Variants in ARHGAP12 observed in about 807,000 individuals in gnomAD.
The protein encoded by ARHGAP12 is Rho GTPase activating protein 12, also known as rho GTPase-activating protein 12.
A neutral mutation model predicts 108.6 loss-of-function variants in ARHGAP12; 64 were observed. The ratio of observed to expected loss-of-function variants is 0.59; its 90% confidence interval spans 0.48 to 0.73. ARHGAP12 has a LOEUF of 0.73. Among genes scored for constraint, ARHGAP12 ranks in the 30% least tolerant of loss-of-function variants. ARHGAP12 has a pLI of 0.00. For missense variants in ARHGAP12, 940 were observed against 1,005.9 expected (o/e 0.93, Z 0.89); for synonymous variants, 312 against 337.2 (o/e 0.93, Z 0.82).
At chr10:31,852,100 TC>T (rs970444105) in intron 6 of ARHGAP12, among the ~76,000 whole-genome samples, 3 of 152,184 alleles carry the variant, frequency 2.0e-5, no homozygotes, top group African/African-American at 4.8e-5. Context: ...AATGGCTCAA[TC>T]ATACACACCA....
intron 1 of ARHGAP12, among the ~76,000 whole-genome samples, chr10:31,927,394 G>T (rs1394808739): frequency 2.0e-5 from 3 of 152,138 alleles, no homozygotes; most frequent in Admixed American, 1.3e-4. Context: ...GTGGCTAGGG[G>T]CTAGATACTT....
intron 14 of ARHGAP12, among the ~76,000 whole-genome samples, 198 bp from the exon 15 acceptor site, chr10:31,813,021 C>A (rs1339693482): frequency 2.6e-5 from 4 of 151,986 alleles, no homozygotes; most frequent in Admixed American, 2.0e-4. Flanking sequence ...AGTTATAAAC[C>A]AAACAAAACA....
intron 3 of ARHGAP12, among the ~76,000 whole-genome samples, chr10:31,901,151 G>A (rs1021760012): frequency 1.3e-5 from 2 of 150,552 alleles, no homozygotes; most frequent in South Asian, 2.1e-4. Context: ...GGGAGGCAGA[G>A]ACTACAGTGA....
intron 1 of ARHGAP12, among the ~76,000 whole-genome samples, chr10:31,926,143 G>A (rs1416921623): frequency 6.6e-6 from 1 of 152,132 alleles, no homozygotes; most frequent in Admixed American, 6.5e-5. Context: ...AATTTGAGAA[G>A]CACTAGATTA....
chr10:31,876,219 TA>T (rs1247280958), intron 3 of ARHGAP12, among the ~76,000 whole-genome samples: 1 of 151,810 alleles, frequency 6.6e-6, no homozygotes, highest in African/African-American at 2.4e-5. Flanking sequence ...AAGGTCATCA[TA>T]AAAAAAATAA....
chr10:31,859,660 T>C (rs1027647287), intron 4 of ARHGAP12, among the ~76,000 whole-genome samples: 5 of 152,248 alleles, frequency 3.3e-5, no homozygotes, highest in Admixed American at 6.5e-5. Flanking sequence ...TAAAAGTTCC[T>C]ATGTATACTT....
chr10:31,906,784 C>A (rs576305407), intron 3 of ARHGAP12, among the ~76,000 whole-genome samples: 2 of 152,032 alleles, frequency 1.3e-5, no homozygotes, highest in South Asian at 4.1e-4. Context: ...GGATTGCGTG[C>A]GTACATAAAT....
intron 1 of ARHGAP12, among the ~76,000 whole-genome samples, chr10:31,918,919 A>G (rs1839676497): frequency 6.6e-6 from 1 of 152,246 alleles, no homozygotes; most frequent in South Asian, 2.1e-4. Flanking sequence ...AGAAAGTCAA[A>G]CAGATATTTG....
At chr10:31,887,785 GTAGC>G (rs1436270586) in intron 3 of ARHGAP12, among the ~76,000 whole-genome samples, 3 of 150,998 alleles carry the variant, frequency 2.0e-5, no homozygotes, top group Non-Finnish European at 4.4e-5. Context: ...AGCCTCCCAA[GTAGC>G]TGGGACTACA....
At chr10:31,927,150 T>C (rs776676968) in intron 1 of ARHGAP12, among the ~76,000 whole-genome samples, 2 of 151,912 alleles carry the variant, frequency 1.3e-5, no homozygotes, top group Non-Finnish European at 2.9e-5. Flanking sequence ...GTCTGGCTCG[T>C]CAGGTGGCAT....
At chr10:31,922,180 C>CAA (rs56210740) in intron 1 of ARHGAP12, among the ~76,000 whole-genome samples, 4 of 66,120 alleles carry the variant, frequency 6.0e-5, no homozygotes, top group African/African-American at 1.9e-4. Context: ...GACCCTGCCT[C>CAA]AAAAAAAAAA....
intron 6 of ARHGAP12, among the ~76,000 whole-genome samples, chr10:31,844,104 G>T (rs532127568): frequency 2.0e-3 from 310 of 152,158 alleles, no homozygotes; most frequent in African/African-American, 7.0e-3. Flanking sequence ...ACATGTTCTG[G>T]ATTCTAAACC....
Position 31,808,754 on chromosome 10 carries a change from G to GA in ARHGAP12, c.2264-4dup, listed in dbSNP as rs1171465165. The stretch of plus-strand genomic sequence containing the variant: ...GACTCGCTGTCTTGGTTCTTGCTCT[G>GA]AAAAAAGATAATAACCAGATATTTT... On this transcript the variant is annotated splice_region_variant and splice_polypyrimidine_tract_variant and intron_variant, in intron 18 of 19. Coordinates refer to ENST00000344936, the MANE Select transcript of ARHGAP12 (RefSeq NM_018287.7). The GA allele has an allele frequency of 4.3e-6, 7 of 1,610,510 alleles. No individual in the cohort carries two copies. The highest frequency in any genetic ancestry group is 1.7e-5 in the Admixed American group (1 of 59,038).
chr10:31,838,582 C>A (rs1359877850), intron 9 of ARHGAP12, among the ~76,000 whole-genome samples: 1 of 151,994 alleles, frequency 6.6e-6, no homozygotes, highest in Non-Finnish European at 1.5e-5. Context: ...GTAATCCCAG[C>A]ACTTTGGGGG....
intron 6 of ARHGAP12, among the ~76,000 whole-genome samples, chr10:31,845,816 C>A (rs796664748): frequency 4.6e-4 from 70 of 152,074 alleles, no homozygotes; most frequent in African/African-American, 1.5e-3. Context: ...ATAGTGATTT[C>A]CTTACAGAAG....
intron 3 of ARHGAP12, among the ~76,000 whole-genome samples, chr10:31,890,334 C>T (rs1049960912): frequency 6.6e-6 from 1 of 152,106 alleles, no homozygotes; most frequent in African/African-American, 2.4e-5. Flanking sequence ...AAATAGGTTG[C>T]TTTCTAAGAT....
In ARHGAP12 at chr10:31,809,143, G is replaced by C. The variant is rs532771211; in HGVS notation, c.2129-15C>G. On this transcript the variant is annotated splice_polypyrimidine_tract_variant and intron_variant, in intron 17 of 19. Transcript: ENST00000344936. ...CAATTTCTCATCTGAAAAACAGCAG[G>C]AATTGGACATTTTAAAAAATTACTT... 7 of 1,613,030 alleles carry C rather than the reference G, an allele frequency of 4.3e-6. No individual in the cohort carries two copies. Among genetic ancestry groups the C allele is most frequent in the Non-Finnish European group, 8.5e-7 (1 of 1,179,552 alleles).
At chr10:31,898,006 C>G (rs1838775024) in intron 3 of ARHGAP12, among the ~76,000 whole-genome samples, 1 of 152,082 alleles carries the variant, frequency 6.6e-6, no homozygotes, top group African/African-American at 2.4e-5. Flanking sequence ...AGCCTGCTGT[C>G]CCAGCTACTT....
At chr10:31,924,927 T>C (rs1839969499) in intron 1 of ARHGAP12, among the ~76,000 whole-genome samples, 1 of 152,182 alleles carries the variant, frequency 6.6e-6, no homozygotes, top group Admixed American at 6.5e-5. Context: ...TCTACATTAA[T>C]CAGTGCTTAC....
Sources: allele counts gnomAD v4.1 joint callset (sites outside exome capture counted in the v4.1 genomes callset), GRCh38; gene constraint gnomAD v4.1.1; transcripts MANE v1.5; gene names NCBI Gene and HGNC (gene_info 2026-07-23, HGNC 2026-07-21).